Variants in SLC14A2 observed in about 807,000 individuals in gnomAD.
SLC14A2 encodes urea transporter 2.
SLC14A2 carries 91 observed loss-of-function variants against 104.6 expected under a neutral mutation model. The observed-to-expected ratio is 0.87, with a 90% CI of 0.73 to 1.04. SLC14A2 has a LOEUF of 1.04. Ranked by LOEUF, SLC14A2 falls within the 50% of genes least tolerant of loss-of-function variation. SLC14A2 has a pLI of 0.00. For missense variants in SLC14A2, 1,189 were observed against 1,156.0 expected (o/e 1.03, Z -0.41); for synonymous variants, 476 against 466.4 (o/e 1.02, Z -0.27).
At chr18:45,583,732 A>T (rs2044530218) in intron 2 of SLC14A2, among the ~76,000 whole-genome samples, 1 of 152,198 alleles carries the variant, frequency 6.6e-6, no homozygotes, top group Admixed American at 6.5e-5. Context: ...ATGTGCTGGT[A>T]AGCCAGCTCT....
intron 16 of SLC14A2, among the ~76,000 whole-genome samples, chr18:45,670,432 G>A (rs1002857787): frequency 1.3e-5 from 2 of 152,068 alleles, no homozygotes; most frequent in Non-Finnish European, 2.9e-5. Flanking sequence ...CCTACTTTCC[G>A]TTACACGAAA....
chr18:45,437,142 C>T (rs748840075), intron 1 of SLC14A2, among the ~76,000 whole-genome samples: 1 of 152,178 alleles, frequency 6.6e-6, no homozygotes, highest in African/African-American at 2.4e-5. Context: ...CTGCTTTGCC[C>T]TTTATTTTCA....
At chr18:45,301,310 G>T (rs2084966332) in intron 1 of SLC14A2, among the ~76,000 whole-genome samples, 1 of 152,204 alleles carries the variant, frequency 6.6e-6, no homozygotes, top group South Asian at 2.1e-4. Flanking sequence ...TCAAGCAAAT[G>T]ATTTGCTGCA....
At chr18:45,397,509 GTTGT>G (rs1362780687) in intron 1 of SLC14A2, among the ~76,000 whole-genome samples, 2 of 152,056 alleles carry the variant, frequency 1.3e-5, no homozygotes, top group Non-Finnish European at 2.9e-5. Flanking sequence ...TTTTAATGAG[GTTGT>G]TTGTTTTTCT....
At chr18:45,463,127 C>T (rs2087075852) in intron 1 of SLC14A2, among the ~76,000 whole-genome samples, 1 of 152,208 alleles carries the variant, frequency 6.6e-6, no homozygotes, top group South Asian at 2.1e-4. Context: ...CTCCTACTCA[C>T]ATGGTGGCTC....
At chr18:45,249,719 G>A (rs2084402811) in intron 1 of SLC14A2, among the ~76,000 whole-genome samples, 1 of 152,150 alleles carries the variant, frequency 6.6e-6, no homozygotes, top group East Asian at 1.9e-4. Flanking sequence ...AGAGGCTAAG[G>A]CAGGAGGATC....
chr18:45,527,248 A>G (rs1050396713), intron 2 of SLC14A2, among the ~76,000 whole-genome samples: 11 of 152,194 alleles, frequency 7.2e-5, no homozygotes, highest in African/African-American at 1.7e-4. Context: ...CTGTTGAGCA[A>G]TAGAATCCTG....
intron 1 of SLC14A2, among the ~76,000 whole-genome samples, chr18:45,463,866 G>T (rs1212242364): frequency 2.0e-5 from 3 of 152,196 alleles, no homozygotes; most frequent in Non-Finnish European, 4.4e-5. Context: ...ACAGGGCTTT[G>T]CCTCCGTATT....
At chr18:45,244,488 G>A (rs770501737) in intron 1 of SLC14A2, among the ~76,000 whole-genome samples, 11 of 152,212 alleles carry the variant, frequency 7.2e-5, no homozygotes, top group African/African-American at 9.6e-5. Context: ...TTAGCCGGGC[G>A]TGGTGGCACA....
chr18:45,238,676 G>T (rs1176828380), intron 1 of SLC14A2, among the ~76,000 whole-genome samples: 1 of 152,204 alleles, frequency 6.6e-6, no homozygotes, highest in Non-Finnish European at 1.5e-5. Flanking sequence ...GCATAGATAG[G>T]TAGATAGATA....
At chr18:45,502,722 A>G (rs928505335) in intron 2 of SLC14A2, among the ~76,000 whole-genome samples, 1 of 152,214 alleles carries the variant, frequency 6.6e-6, no homozygotes, top group African/African-American at 2.4e-5. Flanking sequence ...TCAATGTAAT[A>G]AAGTTTACCT....
In SLC14A2 at chr18:45,671,627, C is replaced by A. The variant is rs73953620; in HGVS notation, c.2230-1273C>A. 8.1e-3 allele frequency among the ~76,000 whole-genome samples: 1,229 copies of A among 152,254 alleles called. 11 individuals carry two copies. Among genetic ancestry groups the A allele is most frequent in the African/African-American group, 0.028 (1,162 of 41,542 alleles). On this transcript the variant is annotated intron_variant, in intron 16 of 19. Transcript: ENST00000255226. ...TGCCCTGCATGGTGAGGCCAGAGCC[C>A]TCATTCTGTTCTCTGCCCTGGGTAA...
At chr18:45,461,281 G>A (rs1474326432) in intron 1 of SLC14A2, among the ~76,000 whole-genome samples, 1 of 152,156 alleles carries the variant, frequency 6.6e-6, no homozygotes, top group Non-Finnish European at 1.5e-5. Context: ...GCATCATTGT[G>A]GTTACCTTTC....
Position 45,557,036 on chromosome 18 carries a change from G to A in SLC14A2, c.-34-67595G>A, listed in dbSNP as rs148375811. ...ACAGTGAAATATAGCATCACTCCCC[G>A]CATAGGGTAAGTGTTCAAGAAAGAG... On this transcript the variant is annotated intron_variant, in intron 2 of 20. Transcript: ENST00000586448. 6.0e-4 allele frequency among the ~76,000 whole-genome samples: 91 copies of A among 152,308 alleles called. 1 individual carries two copies. The highest frequency in any genetic ancestry group is 2.0e-4 in the Admixed American group (3 of 15,304).
intron 2 of SLC14A2, among the ~76,000 whole-genome samples, chr18:45,485,751 T>C (rs1220728837): frequency 6.6e-6 from 1 of 152,172 alleles, no homozygotes; most frequent in African/African-American, 2.4e-5. Flanking sequence ...TTTTTTTTGT[T>C]ACTGAGTGCA....
intron 1 of SLC14A2, among the ~76,000 whole-genome samples, chr18:45,359,386 T>C (rs892011107): frequency 3.9e-5 from 6 of 152,148 alleles, no homozygotes; most frequent in African/African-American, 1.4e-4. Flanking sequence ...CCCCTCCTCC[T>C]CCTCTGCCTC....
At chr18:45,547,928 G>A (rs2043997675) in intron 2 of SLC14A2, among the ~76,000 whole-genome samples, 1 of 152,192 alleles carries the variant, frequency 6.6e-6, no homozygotes, top group Non-Finnish European at 1.5e-5. Context: ...TCAGAGGAGG[G>A]TAAGACTGAA....
intron 2 of SLC14A2, among the ~76,000 whole-genome samples, chr18:45,568,665 T>G (rs1246356603): frequency 1.3e-5 from 2 of 152,242 alleles, no homozygotes; most frequent in African/African-American, 2.4e-5. Context: ...TCACCTAGCC[T>G]GCCTGATGAG....
At chr18:45,555,784 G>A (rs1018343633) in intron 2 of SLC14A2, among the ~76,000 whole-genome samples, 8 of 152,206 alleles carry the variant, frequency 5.3e-5, no homozygotes, top group Non-Finnish European at 1.2e-4. Context: ...GGGTCGCCAA[G>A]GGCTGGGTAA....
Sources: gnomAD v4.1 joint callset for allele counts (sites outside exome capture counted in the v4.1 genomes callset) on GRCh38, gnomAD v4.1.1 for gene constraint, MANE v1.5 for transcripts, NCBI Gene and HGNC (gene_info 2026-07-23, HGNC 2026-07-21) for gene names.